FMN1: variants seen among roughly 807,000 people sequenced by gnomAD.
FMN1 encodes formin 1, also known as formin-1.
Under a neutral mutation model 132.4 loss-of-function variants are expected in FMN1, and 110 were observed. The ratio of observed to expected loss-of-function variants is 0.83; its 90% CI spans 0.71 to 0.97. FMN1 has a LOEUF of 0.97. FMN1 is among the 50% of genes least tolerant of loss of function. The pLI is 0.00. For missense variants in FMN1, 1,792 were observed against 1,705.3 expected (o/e 1.05, Z -0.90); for synonymous variants, 722 against 651.7 (o/e 1.11, Z -1.64).
chr15:32,855,006 A>G (rs1404544199), intron 17 of FMN1, among the ~76,000 whole-genome samples: 1 of 151,920 alleles, frequency 6.6e-6, no homozygotes, highest in Non-Finnish European at 1.5e-5. Context: ...GACAGAGTGT[A>G]GGAGTATACA....
intron 17 of FMN1, among the ~76,000 whole-genome samples, chr15:32,815,800 C>T (rs780898636): frequency 5.3e-5 from 8 of 152,144 alleles, no homozygotes; most frequent in Non-Finnish European, 1.2e-4. Context: ...GATGAACATT[C>T]ACTGAATACT....
intron 10 of FMN1, 41 bp from the exon 11 acceptor site, chr15:32,910,576 T>G: frequency 2.1e-6 from 3 of 1,425,768 alleles, no homozygotes; most frequent in Non-Finnish European, 2.9e-6. Context: ...AGGGATTTGA[T>G]TAGGTCCCCT....
chr15:33,127,282 G>A (rs1461413907), intron 4 of FMN1, among the ~76,000 whole-genome samples: 1 of 152,138 alleles, frequency 6.6e-6, no homozygotes, highest in African/African-American at 2.4e-5. Context: ...TTCACAACAA[G>A]AATCCGTCAA....
At chr15:33,103,740 G>A (rs928128247) in intron 4 of FMN1, among the ~76,000 whole-genome samples, 1 of 152,074 alleles carries the variant, frequency 6.6e-6, no homozygotes, top group Admixed American at 6.6e-5. Context: ...TTTTCAGAAT[G>A]TTTTGTTCAG....
intron 7 of FMN1, among the ~76,000 whole-genome samples, chr15:32,989,984 A>C (rs997125371): frequency 6.6e-6 from 1 of 152,190 alleles, no homozygotes; most frequent in African/African-American, 2.4e-5. Context: ...AGGAGGATTC[A>C]GAAGGAGACA....
At chr15:33,156,440 C>G (rs1474367741) in intron 3 of FMN1, among the ~76,000 whole-genome samples, 2 of 151,812 alleles carry the variant, frequency 1.3e-5, no homozygotes, top group Non-Finnish European at 2.9e-5. Context: ...GCCACCACCA[C>G]CCAGCTAGTT....
chr15:32,964,308 T>C, intron 8 of FMN1, 51 bp from the exon 9 acceptor site: 1 of 1,257,150 alleles, frequency 8.0e-7, no homozygotes, highest in Non-Finnish European at 1.1e-6. Flanking sequence ...CAGGAAGGAA[T>C]GTAATACAAT....
chr15:32,969,869 A>G (rs1279306322), intron 7 of FMN1, among the ~76,000 whole-genome samples: 1 of 152,250 alleles, frequency 6.6e-6, no homozygotes, highest in Non-Finnish European at 1.5e-5. Flanking sequence ...AGAAAACTAT[A>G]AAGAAAAAAA....
intron 17 of FMN1, among the ~76,000 whole-genome samples, chr15:32,805,289 G>T (rs2141011894): frequency 6.6e-6 from 1 of 152,236 alleles, no homozygotes; most frequent in African/African-American, 2.4e-5. Context: ...TGTGTCTATT[G>T]GCTGCATAAA....
At chr15:32,895,697 T>C (rs1401530716) in intron 15 of FMN1, among the ~76,000 whole-genome samples, 2 of 152,270 alleles carry the variant, frequency 1.3e-5, no homozygotes, top group South Asian at 2.1e-4. Flanking sequence ...CTTTTGTAAA[T>C]TGCCTGTGAT....
At chr15:32,852,799 C>T (rs1370313992) in intron 17 of FMN1, among the ~76,000 whole-genome samples, 2 of 152,162 alleles carry the variant, frequency 1.3e-5, no homozygotes, top group Admixed American at 1.3e-4. Context: ...ATGATCATGT[C>T]ACTCCTGTAC....
chr15:32,805,346 G>A (rs1330998545), intron 17 of FMN1, among the ~76,000 whole-genome samples: 2 of 152,112 alleles, frequency 1.3e-5, no homozygotes, highest in African/African-American at 4.8e-5. Flanking sequence ...CCCACTTTTC[G>A]ATGGGGTTGT....
At chr15:33,120,775 C>T (rs1322117574) in intron 4 of FMN1, among the ~76,000 whole-genome samples, 1 of 152,072 alleles carries the variant, frequency 6.6e-6, no homozygotes, top group African/African-American at 2.4e-5. Context: ...TTTTACTGCA[C>T]ATTTGGTTTT....
chr15:33,116,762 T>C (rs370699131), intron 4 of FMN1, among the ~76,000 whole-genome samples: 78 of 149,772 alleles, frequency 5.2e-4, no homozygotes, highest in Non-Finnish European at 8.5e-4. Context: ...GGCTTTTTTT[T>C]CCCTCATGAG....
chr15:32,858,705 T>C (rs1455488307), intron 16 of FMN1, among the ~76,000 whole-genome samples: 1 of 152,224 alleles, frequency 6.6e-6, no homozygotes, highest in African/African-American at 2.4e-5. Context: ...AAAATACAAA[T>C]CTTACCTTGA....
chr15:33,184,589 C>T (rs111594858), intron 2 of FMN1, among the ~76,000 whole-genome samples: 8 of 151,862 alleles, frequency 5.3e-5, no homozygotes, highest in African/African-American at 7.2e-5. Context: ...CTGCAACCTC[C>T]GCCTCCCGGG....
At chr15:32,972,713 A>G (rs973415485) in intron 7 of FMN1, among the ~76,000 whole-genome samples, 6 of 152,040 alleles carry the variant, frequency 3.9e-5, no homozygotes, top group African/African-American at 1.4e-4. Context: ...ACACTATACA[A>G]TCTTTCTAGA....
Position 32,777,538 on chromosome 15 carries a change from A to ATTTATATATTATGTATAACATATAACAC in FMN1, c.4131-620_4131-619insGTGTTATATGTTATACATAATATATAAA, listed in dbSNP as rs2056470721. On this transcript the variant is annotated intron_variant, in intron 19 of 20. Transcript: ENST00000616417. Reference sequence around the variant, plus strand: ...ATTTATATATTACGTATAACATAACATTTATATATTACGTATAACATATAA... The same window carrying ATTTATATATTATGTATAACATATAACAC: ...ATTTATATATTACGTATAACATAACATTTATATATTATGTATAACATATAACACTTTATATATTACGTATAACATATAA... Among the ~76,000 whole-genome samples the ATTTATATATTATGTATAACATATAACAC allele has an allele frequency of 4.9e-5, 4 of 81,438 alleles. 1 individual carries two copies. Among genetic ancestry groups the ATTTATATATTATGTATAACATATAACAC allele is most frequent in the South Asian group, 8.5e-4 (2 of 2,362 alleles). 53.4% of individuals were successfully genotyped at this position (81,438 alleles called of 152,430 possible).
chr15:32,859,189 T>C (rs1321202198), intron 16 of FMN1, among the ~76,000 whole-genome samples: 2 of 152,162 alleles, frequency 1.3e-5, no homozygotes, highest in African/African-American at 4.8e-5. Context: ...ATGCTTAAGT[T>C]TTCTCTAGTC....
Sources: allele counts gnomAD v4.1 joint callset (sites outside exome capture counted in the v4.1 genomes callset), GRCh38; gene constraint gnomAD v4.1.1; transcripts MANE v1.5; gene names NCBI Gene and HGNC (gene_info 2026-07-23, HGNC 2026-07-21).